Variants in PRR5L observed in about 807,000 individuals in gnomAD.
PRR5L encodes the protein proline-rich protein 5-like.
A neutral mutation model predicts 36.4 loss-of-function variants in PRR5L; 21 were observed. The ratio of observed to expected loss-of-function variants is 0.58; its 90% CI spans 0.41 to 0.83. The LOEUF is 0.83. Among genes scored for constraint, PRR5L ranks in the 40% least tolerant of loss-of-function variants. PRR5L has a pLI of 0.00. For missense variants in PRR5L, 381 were observed against 473.3 expected, an observed-to-expected ratio of 0.80 and a Z score of 1.81; for synonymous variants, 188 against 197.0, an observed-to-expected ratio of 0.95 and a Z score of 0.38.
At chr11:36,433,051 A>G (rs966480984) in intron 5 of PRR5L, among the ~76,000 whole-genome samples, 1 of 152,084 alleles carries the variant, frequency 6.6e-6, no homozygotes, top group Non-Finnish European at 1.5e-5. Context: ...TTTCAACCTT[A>G]TAAATACCCA....
intron 1 of PRR5L, among the ~76,000 whole-genome samples, chr11:36,385,492 T>C (rs535761777): frequency 6.6e-6 from 1 of 152,388 alleles, no homozygotes; most frequent in African/African-American, 2.4e-5. Context: ...TTCTGAATCC[T>C]GTGGACACTT....
chr11:36,397,916 C>A (rs1857701265), intron 1 of PRR5L, among the ~76,000 whole-genome samples: 1 of 152,126 alleles, frequency 6.6e-6, no homozygotes, highest in African/African-American at 2.4e-5. Flanking sequence ...CTGCCTCAGC[C>A]CCCCGAGTCG....
intron 5 of PRR5L, among the ~76,000 whole-genome samples, chr11:36,436,374 G>A (rs933811086): frequency 1.3e-5 from 2 of 152,172 alleles, no homozygotes; most frequent in Non-Finnish European, 2.9e-5. Flanking sequence ...GCCAGGGCCC[G>A]TCTTTCCTGG....
chr11:36,342,896 A>C (rs1367416163), intron 1 of PRR5L, among the ~76,000 whole-genome samples: 1 of 152,248 alleles, frequency 6.6e-6, no homozygotes, highest in African/African-American at 2.4e-5. Flanking sequence ...GCATTTAAAA[A>C]AATACTGGTG....
chr11:36,462,720 G>A lies in PRR5L; in HGVS notation c.1091G>A (p.Cys364Tyr). Residue 364 changes from cysteine (C) to tyrosine (Y), a missense_variant, in exon 9 of 9, where the codon TGT becomes TAT. Coordinates refer to ENST00000530639, the MANE Select transcript of PRR5L (RefSeq NM_001160167.2). The stretch of plus-strand genomic sequence containing the variant: ...AGCCAGGAGGGCTCGGAGCTGAACT[G>A]TGCTTCCCTCAGCTGAGTCGCCACC... ...RGSQEGSELN[C>Y]ASLS is the part of the protein sequence containing the mutation. 5.1e-6 allele frequency: 8 copies of A among 1,563,072 alleles called. No homozygotes were observed. Among genetic ancestry groups the A allele is most frequent in the Non-Finnish European group, 6.9e-6 (8 of 1,154,462 alleles).
rs560901911 is a variant in PRR5L, at chr11:36,355,999, C to G, written c.-125-44998C>G. Among the ~76,000 whole-genome samples the G allele has an allele frequency of 3.9e-5, 6 of 152,084 alleles. 1 individual carries two copies. The South Asian group carries it at 1.2e-3, about 32-fold the overall frequency. On this transcript the variant is annotated intron_variant, in intron 1 of 8. Coordinates refer to ENST00000530639, the MANE Select transcript of PRR5L (RefSeq NM_001160167.2). ...CACAAACAGCTCACTGCAGCCTTGACCTCCCAGGCTCAAATGATCCTCCAG... is the reference window on the plus strand; with the variant it reads ...CACAAACAGCTCACTGCAGCCTTGAGCTCCCAGGCTCAAATGATCCTCCAG...
intron 1 of PRR5L, among the ~76,000 whole-genome samples, chr11:36,390,625 G>A (rs1226585262): frequency 6.6e-6 from 1 of 152,170 alleles, no homozygotes; most frequent in Non-Finnish European, 1.5e-5. Flanking sequence ...AGACACAGGT[G>A]CTTCCAAACA....
At chr11:36,351,348 TA>T (rs796292011) in intron 1 of PRR5L, among the ~76,000 whole-genome samples, 1,640 of 87,232 alleles carry the variant, frequency 0.019, 90 homozygotes, top group East Asian at 0.17. Context: ...TTATAATATA[TA>T]ATAAATATAT....
At chr11:36,346,443 C>T (rs1437156597) in intron 1 of PRR5L, among the ~76,000 whole-genome samples, 3 of 151,974 alleles carry the variant, frequency 2.0e-5, no homozygotes, top group Non-Finnish European at 4.4e-5. Flanking sequence ...ATTAGCCGGG[C>T]GTGGTGGCAG....
chr11:36,297,423 T>C (rs1856324079), intron 1 of PRR5L: 1 of 152,200 alleles, frequency 6.6e-6, no homozygotes, highest in Non-Finnish European at 1.5e-5. Flanking sequence ...AGTGAAGGAA[T>C]TTGAAAGGGT....
chr11:36,311,376 C>T (rs555266740), intron 1 of PRR5L, among the ~76,000 whole-genome samples: 20 of 152,278 alleles, frequency 1.3e-4, no homozygotes, highest in Admixed American at 3.9e-4. Flanking sequence ...GAGCAAATGT[C>T]TTGGTAGAGT....
chr11:36,307,255 T>C (rs1189332295), intron 1 of PRR5L, among the ~76,000 whole-genome samples: 1 of 152,146 alleles, frequency 6.6e-6, no homozygotes, highest in African/African-American at 2.4e-5. Context: ...TGTCATTCAC[T>C]CCTCACAATT....
intron 1 of PRR5L, among the ~76,000 whole-genome samples, chr11:36,358,268 G>C (rs566572176): frequency 6.6e-6 from 1 of 152,140 alleles, no homozygotes; most frequent in South Asian, 2.1e-4. Context: ...GTGAAAGGAA[G>C]AGTTTTTTGT....
intron 1 of PRR5L, among the ~76,000 whole-genome samples, chr11:36,379,975 C>G (rs1234087638): frequency 2.0e-5 from 3 of 152,046 alleles, no homozygotes; most frequent in Non-Finnish European, 4.4e-5. Flanking sequence ...TGTTAATTTC[C>G]CAGTGTCACA....
At chr11:36,311,903 T>C (rs1449801287) in intron 1 of PRR5L, among the ~76,000 whole-genome samples, 1 of 152,162 alleles carries the variant, frequency 6.6e-6, no homozygotes, top group African/African-American at 2.4e-5. Flanking sequence ...TAAATATTAA[T>C]ACATTATGGT....
At chr11:36,403,433 A>G in intron 3 of PRR5L, 55 bp downstream of exon 3, 1 of 1,402,072 alleles carries the variant, frequency 7.1e-7, no homozygotes, top group African/African-American at 1.4e-5. Context: ...GAGCAGGGGC[A>G]TAGGGGCTAC....
intron 1 of PRR5L, among the ~76,000 whole-genome samples, chr11:36,323,717 T>C (rs1056343486): frequency 7.9e-5 from 12 of 152,170 alleles, no homozygotes; most frequent in African/African-American, 1.9e-4. Flanking sequence ...CTGTTAAGCA[T>C]TGGGAGAAGG....
At position 36,377,925 on chromosome 11, in the gene PRR5L, T is replaced by A. The variant is rs979118756; in HGVS notation, c.-125-23072T>A. 6.6e-6 allele frequency among the ~76,000 whole-genome samples: 1 copy of A among 152,120 alleles called. No homozygotes were observed. The highest frequency in any genetic ancestry group is 1.5e-5 in the Non-Finnish European group (1 of 68,022). ...CTGGACCTGTTGCCCAGACGACACG[T>A]GCACATTCAGATGACCCATGCTAAG... On this transcript the variant is annotated intron_variant, in intron 1 of 8. Transcript: ENST00000530639. The surrounding 1 kb of genome is among the most constrained non-coding windows in gnomAD (Gnocchi z 5.1).
intron 3 of PRR5L, among the ~76,000 whole-genome samples, chr11:36,407,027 G>A (rs1857925717): frequency 6.6e-6 from 1 of 152,212 alleles, no homozygotes; most frequent in Admixed American, 6.5e-5. Flanking sequence ...AATGCTAAAA[G>A]CATCCTTAGC....
Sources: gnomAD v4.1 joint callset for allele counts (sites outside exome capture counted in the v4.1 genomes callset) on GRCh38, gnomAD v4.1.1 for gene constraint, Gnocchi (gnomAD v3.1) non-coding constraint, MANE v1.5 for transcripts, NCBI Gene and HGNC (gene_info 2026-07-23, HGNC 2026-07-21) for gene names.